SLC41A2: variants seen among roughly 807,000 people sequenced by gnomAD.
SLC41A2 encodes solute carrier family 41 member 2.
SLC41A2 carries 32 observed loss-of-function variants against 58.3 expected under a neutral mutation model. The observed-to-expected ratio is 0.55, with a 90% confidence interval of 0.41 to 0.74. The LOEUF (loss-of-function observed/expected upper bound fraction) is 0.74, where lower values mean the gene tolerates loss of function less well. Ranked by LOEUF, SLC41A2 falls within the 30% of genes least tolerant of loss-of-function variation. SLC41A2 has a pLI of 0.00. For missense variants in SLC41A2, 514 were observed against 680.6 expected, an observed-to-expected ratio of 0.76 and a Z score of 2.72; for synonymous variants, 190 against 235.0, an observed-to-expected ratio of 0.81 and a Z score of 1.75.
At chr12:104,927,840 C>A in intron 2 of SLC41A2, 133 bp downstream of exon 2, 1 of 768,610 alleles carries the variant, frequency 1.3e-6, no homozygotes, top group South Asian at 3.6e-5. Flanking sequence ...CCAGAGTCAG[C>A]ATCTGTTCAT....
chr12:104,948,186 A>C (rs897793407), intron 1 of SLC41A2, among the ~76,000 whole-genome samples: 14 of 152,226 alleles, frequency 9.2e-5, no homozygotes, highest in African/African-American at 3.1e-4. Flanking sequence ...TATTTATAAC[A>C]GTAGCCTTTC....
chr12:104,944,913 A>C (rs571465807), intron 1 of SLC41A2, among the ~76,000 whole-genome samples: 1 of 151,650 alleles, frequency 6.6e-6, no homozygotes, highest in Admixed American at 6.6e-5. Context: ...GCTGATGCCT[A>C]TTATCCTAGC....
chr12:104,903,100 A>C (rs1163749442), intron 3 of SLC41A2, among the ~76,000 whole-genome samples: 1 of 152,090 alleles, frequency 6.6e-6, no homozygotes, highest in Non-Finnish European at 1.5e-5. Flanking sequence ...CCATCAATCA[A>C]TTCTGTTGAT....
At chr12:104,944,822 C>A (rs1217057146) in intron 1 of SLC41A2, among the ~76,000 whole-genome samples, 2 of 150,080 alleles carry the variant, frequency 1.3e-5, no homozygotes, top group South Asian at 4.2e-4. Context: ...GCATAGAGTT[C>A]TCTTCTATTG....
At chr12:104,926,333 G>A (rs775082128) in intron 2 of SLC41A2, among the ~76,000 whole-genome samples, 3 of 152,122 alleles carry the variant, frequency 2.0e-5, no homozygotes, top group Non-Finnish European at 4.4e-5. Context: ...AGACATGGTG[G>A]GTCATGCCTG....
Position 104,883,160 on chromosome 12 carries a change from T to C in SLC41A2, c.1027+3133A>G, listed in dbSNP as rs903977289. Among the ~76,000 whole-genome samples the C allele has an allele frequency of 4.6e-5, 7 of 152,366 alleles. 1 individual carries two copies. Among genetic ancestry groups the C allele is most frequent in the Admixed American group, 1.3e-4 (2 of 15,304 alleles). On this transcript the variant is annotated intron_variant, in intron 6 of 10. Coordinates refer to ENST00000258538, the MANE Select transcript of SLC41A2 (RefSeq NM_001352171.3). ...TCATGTAGTTCTCATGCCATGGTTT[T>C]CGGCTCCATTGGGTCATTTAAGGTC...
At chr12:104,907,410 C>T (rs1156464482) in intron 3 of SLC41A2, among the ~76,000 whole-genome samples, 1 of 152,218 alleles carries the variant, frequency 6.6e-6, no homozygotes, top group South Asian at 2.1e-4. Context: ...TTTGGCTCTA[C>T]CTAAGTGGCT....
At chr12:104,836,697 T>C (rs2042221609) in intron 10 of SLC41A2, among the ~76,000 whole-genome samples, 1 of 152,264 alleles carries the variant, frequency 6.6e-6, no homozygotes, top group South Asian at 2.1e-4. Context: ...AATTTAAAAA[T>C]TGATAGTGTC....
At position 104,928,138 on chromosome 12, in the gene SLC41A2, T is replaced by C. The variant is rs754453323; in HGVS notation, c.390A>G (p.Leu130=). ...CATCACTAGATATATCTTCATCTTG[T>C]AACATGGCAGTGGTTTCTGAAGTCT... ...GRETSETTAM[L]QDEDISSDGD... The change falls in exon 2 of 11, where the codon TTA becomes TTG. Residue 130 remains leucine, a synonymous_variant. Coordinates refer to ENST00000258538, the MANE Select transcript of SLC41A2 (RefSeq NM_001352171.3). The C allele has an allele frequency of 6.2e-7, 1 of 1,614,072 alleles. No individual in the cohort carries two copies. The highest frequency in any genetic ancestry group is 1.3e-5 in the African/African-American group (1 of 74,934).
intron 2 of SLC41A2, among the ~76,000 whole-genome samples, chr12:104,926,878 G>T (rs1346192740): frequency 2.0e-5 from 3 of 152,078 alleles, no homozygotes; most frequent in Non-Finnish European, 2.9e-5. Context: ...TTGAGCCCAG[G>T]AGTTTGAGAC....
chr12:104,889,150 C>T lies in SLC41A2; in HGVS notation c.763G>A (p.Ala255Thr), dbSNP rs148543476. Residue 255 changes from alanine (A) to threonine (T), a missense_variant, in exon 5 of 11, where the codon GCA becomes ACA. By Grantham distance (58) the Ala-to-Thr change is moderately conservative (BLOSUM62 0). Coordinates refer to ENST00000258538, the MANE Select transcript of SLC41A2 (RefSeq NM_001352171.3). The stretch of plus-strand genomic sequence containing the variant: ...CCCAATATAATTGCTGCCACAGCTG[C>T]TAGAAAACCCACTACTGTTGCCTGA... ...QVQATVVGFLAAVAAIILGWI... is the reference protein window; with the variant it reads ...QVQATVVGFLTAVAAIILGWI... 5.0e-6 allele frequency: 8 copies of T among 1,608,734 alleles called. No homozygotes were observed. Among genetic ancestry groups the T allele is most frequent in the Non-Finnish European group, 6.8e-6 (8 of 1,178,678 alleles).
intron 6 of SLC41A2, among the ~76,000 whole-genome samples, chr12:104,867,584 A>C (rs1041790682): frequency 6.6e-6 from 1 of 150,416 alleles, no homozygotes; most frequent in Non-Finnish European, 1.5e-5. Context: ...CTCACCTATG[A>C]CTAAAGATGC....
chr12:104,958,455 G>A (rs113984353), upstream of SLC41A2: 6,992 of 151,900 alleles, frequency 0.046, 365 homozygotes, highest in East Asian at 0.14. Context: ...CCCGGACCCC[G>A]GCCGCGCCCT....
intron 5 of SLC41A2, among the ~76,000 whole-genome samples, chr12:104,887,796 A>G (rs2044746672): frequency 6.6e-6 from 1 of 151,984 alleles, no homozygotes. Flanking sequence ...CAAGTTGATG[A>G]GATTGGACAA....
rs554352457 is a variant in SLC41A2 at position 104,845,981 on chromosome 12, C to T, written c.1256-7G>A. ...ACCAAATTACCACCAATACCTGAAA[C>T]ACAAGGAAAAACAAAGTAGCAATCC... On this transcript the variant is annotated splice_region_variant and splice_polypyrimidine_tract_variant and intron_variant, in intron 8 of 10. Transcript: ENST00000258538. The T allele has an allele frequency of 7.5e-6, 12 of 1,609,808 alleles. No homozygotes were observed. The highest frequency in any genetic ancestry group is 4.5e-5 in the East Asian group (2 of 44,788).
chr12:104,870,114 G>A (rs1038101032), intron 6 of SLC41A2, among the ~76,000 whole-genome samples: 2 of 152,154 alleles, frequency 1.3e-5, no homozygotes, highest in African/African-American at 4.8e-5. Context: ...ATTTTGGGAT[G>A]GGAATATTAT....
At chr12:104,894,315 T>C (rs185909986) in intron 4 of SLC41A2, among the ~76,000 whole-genome samples, 4 of 149,450 alleles carry the variant, frequency 2.7e-5, no homozygotes, top group Admixed American at 2.0e-4. Context: ...ACTGCACTAC[T>C]GCACTCCACC....
At chr12:104,846,065 C>A in intron 8 of SLC41A2, 91 bp from the exon 9 acceptor site, 2 of 1,318,188 alleles carry the variant, frequency 1.5e-6, no homozygotes, top group Admixed American at 2.3e-5. Context: ...GTGTAACATT[C>A]TGGGCCAATA....
chr12:104,858,724 C>A (rs907067594), intron 8 of SLC41A2, among the ~76,000 whole-genome samples: 2 of 152,130 alleles, frequency 1.3e-5, no homozygotes, highest in Non-Finnish European at 2.9e-5. Flanking sequence ...GTTGCCCAGG[C>A]TGGTCTCAAA....
Sources: gnomAD v4.1 joint callset for allele counts (sites outside exome capture counted in the v4.1 genomes callset) on GRCh38, gnomAD v4.1.1 for gene constraint, MANE v1.5 for transcripts, NCBI Gene and HGNC (gene_info 2026-07-23, HGNC 2026-07-21) for gene names.